Variants in BTBD10 observed in about 807,000 individuals in gnomAD.
BTBD10 encodes the protein BTB domain containing 10.
In BTBD10, 21 loss-of-function variants were observed where a neutral mutation model predicts 53.2. That is an observed-to-expected ratio of 0.39 (90% CI 0.28 to 0.57). The LOEUF (loss-of-function observed/expected upper bound fraction) is 0.57. Among genes scored for constraint, BTBD10 ranks in the 20% least tolerant of loss-of-function variants. The pLI is 0.53. For synonymous variants in BTBD10, 149 were observed against 192.7 expected, an observed-to-expected ratio of 0.77 and a Z score of 1.88; for missense variants, 360 against 594.7, an observed-to-expected ratio of 0.61 and a Z score of 4.10.
chr11:13,410,990 T>C (rs562119501), intron 6 of BTBD10, among the ~76,000 whole-genome samples: 9 of 152,218 alleles, frequency 5.9e-5, no homozygotes, highest in Non-Finnish European at 1.3e-4. Flanking sequence ...AGAATGTTTT[T>C]GAACGTCTAG....
intron 1 of BTBD10, among the ~76,000 whole-genome samples, chr11:13,458,909 G>A (rs1951028191): frequency 6.6e-6 from 1 of 152,070 alleles, no homozygotes; most frequent in African/African-American, 2.4e-5. Context: ...TCTGAATGAA[G>A]TAATTACCTT....
At chr11:13,427,153 G>A (rs1042582047) in intron 2 of BTBD10, among the ~76,000 whole-genome samples, 1 of 152,156 alleles carries the variant, frequency 6.6e-6, no homozygotes, top group African/African-American at 2.4e-5. Flanking sequence ...GGAGGTCAAG[G>A]CTGCAGTGAG....
chr11:13,444,746 A>T (rs1950722477), intron 2 of BTBD10, among the ~76,000 whole-genome samples: 1 of 152,228 alleles, frequency 6.6e-6, no homozygotes, highest in Non-Finnish European at 1.5e-5. Flanking sequence ...GTCATGTGAG[A>T]GTCCCCAATT....
rs1950868618 is a variant in BTBD10, at chr11:13,451,982, G to T, written c.-57-6801C>A. On this transcript the variant is annotated intron_variant, in intron 1 of 8. Coordinates refer to ENST00000278174, the MANE Select transcript of BTBD10 (RefSeq NM_032320.7). ...AATAACTAGAATGAAAAATTAGATG[G>T]GTACAATGGCATATGGAGATAACAA... Among the ~76,000 whole-genome samples the T allele has an allele frequency of 1.3e-5, 2 of 151,928 alleles. 1 individual carries two copies. Among genetic ancestry groups the T allele is most frequent in the South Asian group, 4.1e-4 (2 of 4,828 alleles).
At chr11:13,423,987 G>A (rs561415202) in intron 2 of BTBD10, among the ~76,000 whole-genome samples, 1 of 151,654 alleles carries the variant, frequency 6.6e-6, no homozygotes, top group Admixed American at 6.6e-5. Context: ...CTTTCAAACA[G>A]ATCAAAAGAT....
At chr11:13,394,598 A>C (rs1348880673) in intron 8 of BTBD10, among the ~76,000 whole-genome samples, 1 of 152,174 alleles carries the variant, frequency 6.6e-6, no homozygotes, top group Non-Finnish European at 1.5e-5. Context: ...CACAACGTGC[A>C]GGTTTATTAC....
At chr11:13,451,189 G>C (rs1015707164) in intron 1 of BTBD10, among the ~76,000 whole-genome samples, 1 of 152,176 alleles carries the variant, frequency 6.6e-6, no homozygotes, top group Non-Finnish European at 1.5e-5. Context: ...AGGGACATCA[G>C]GTAGCCTGGC....
chr11:13,401,405 T>C lies in BTBD10; in HGVS notation c.1117+1763A>G, dbSNP rs981603774. Among the ~76,000 whole-genome samples the C allele has an allele frequency of 7.9e-5, 12 of 152,270 alleles. No homozygotes were observed. The South Asian group carries it at 2.1e-3, about 26-fold the overall frequency. On this transcript the variant is annotated intron_variant, in intron 8 of 8. Transcript: ENST00000278174. ...ACCTATACCTAGGAACTAGACCACA[T>C]GTTAGGTATGCAATATGCAACTTGA...
intron 5 of BTBD10, among the ~76,000 whole-genome samples, chr11:13,414,862 A>AG (rs1319127140): frequency 1.0e-4 from 15 of 149,456 alleles, no homozygotes; most frequent in African/African-American, 3.7e-4. Context: ...AAAAAAAAAA[A>AG]AAAGAAAAGA....
intron 2 of BTBD10, among the ~76,000 whole-genome samples, chr11:13,428,514 C>A (rs928206727): frequency 2.0e-5 from 3 of 151,886 alleles, no homozygotes; most frequent in Non-Finnish European, 2.9e-5. Flanking sequence ...TTTACCTAAA[C>A]AACTCACAGA....
chr11:13,395,663 T>C (rs986268537), intron 8 of BTBD10, among the ~76,000 whole-genome samples: 1 of 152,220 alleles, frequency 6.6e-6, no homozygotes, highest in African/African-American at 2.4e-5. Flanking sequence ...AGGGTTTTTA[T>C]GGTTTTAGGT....
At chr11:13,457,012 A>C (rs1201380524) in intron 1 of BTBD10, among the ~76,000 whole-genome samples, 7 of 152,056 alleles carry the variant, frequency 4.6e-5, no homozygotes, top group Admixed American at 3.9e-4. Flanking sequence ...AGATACAAAA[A>C]TTAGCCAAGC....
chr11:13,411,653 CA>C (rs1311561168), intron 6 of BTBD10, among the ~76,000 whole-genome samples: 1 of 152,006 alleles, frequency 6.6e-6, no homozygotes, highest in Non-Finnish European at 1.5e-5. Context: ...GTAAACTACG[CA>C]CAACAAAAGA....
chr11:13,437,508 G>A (rs1207562698), intron 2 of BTBD10, among the ~76,000 whole-genome samples: 1 of 152,132 alleles, frequency 6.6e-6, no homozygotes, highest in African/African-American at 2.4e-5. Flanking sequence ...TGAATCTCTG[G>A]ATGGGATCAT....
chr11:13,391,452 T>G (rs910351185), intron 8 of BTBD10, among the ~76,000 whole-genome samples: 1 of 152,098 alleles, frequency 6.6e-6, no homozygotes, highest in Admixed American at 6.5e-5. Context: ...GTAACTAAAC[T>G]GTAATTACCT....
chr11:13,404,724 G>T, intron 7 of BTBD10: 1 of 415,060 alleles, frequency 2.4e-6, no homozygotes, highest in Non-Finnish European at 3.2e-6. Flanking sequence ...ACTCATTTAA[G>T]TACATCATGC....
intron 8 of BTBD10, 78 bp from the exon 9 acceptor site, chr11:13,389,219 T>A: frequency 1.7e-6 from 2 of 1,203,272 alleles, no homozygotes; most frequent in Non-Finnish European, 2.3e-6. Context: ...AAAGCTTTTC[T>A]GCTATAGATC....
rs902779867 is a variant in BTBD10 at position 13,388,109 on chromosome 11, A to C, written c.*722T>G. 1 of 152,640 alleles carries C rather than the reference A, an allele frequency of 6.6e-6. No individual in the cohort carries two copies. Among genetic ancestry groups the C allele is most frequent in the African/African-American group, 2.4e-5 (1 of 41,444 alleles). 9.5% of individuals were successfully genotyped at this position (152,640 alleles called of 1,614,324 possible). A position where few individuals can be genotyped will look rare whatever the true frequency, so the allele number is the denominator to read the frequency against. On this transcript the variant is annotated 3_prime_UTR_variant, in exon 9 of 9. Transcript: ENST00000278174. ...AGCAAACACTTCATTTTCCTATCCCATAACTCTTAAGAAAAAAAAAGCATT... is the reference window on the plus strand; with the variant it reads ...AGCAAACACTTCATTTTCCTATCCCCTAACTCTTAAGAAAAAAAAAGCATT...
At chr11:13,451,921 A>G (rs2134049618) in intron 1 of BTBD10, among the ~76,000 whole-genome samples, 1 of 152,284 alleles carries the variant, frequency 6.6e-6, no homozygotes, top group East Asian at 1.9e-4. Context: ...GCCAACTGTC[A>G]AAAGAAATGG....
Sources: allele counts gnomAD v4.1 joint callset (sites outside exome capture counted in the v4.1 genomes callset), GRCh38; gene constraint gnomAD v4.1.1; transcripts MANE v1.5; gene names NCBI Gene and HGNC (gene_info 2026-07-23, HGNC 2026-07-21).